The following CUL9 variants were observed in gnomAD, a reference collection of about 807,000 sequenced individuals.
The protein encoded by CUL9 is cullin-9.
Under a neutral mutation model 272.6 loss-of-function variants are expected in CUL9, and 79 were observed. The ratio of observed to expected loss-of-function variants is 0.29; its 90% CI spans 0.24 to 0.35. The LOEUF is 0.35. Among genes scored for constraint, CUL9 ranks in the 10% least tolerant of loss-of-function variants. The probability of loss-of-function intolerance (pLI) is 1.00; values close to 1 mark genes in which losing one functional copy is unlikely to be tolerated. For missense variants in CUL9, 2,532 were observed against 3,255.6 expected, an observed-to-expected ratio of 0.78 and a Z score of 5.41; for synonymous variants, 1,186 against 1,286.5, an observed-to-expected ratio of 0.92 and a Z score of 1.67.
At chr6:43,204,040 G>C (rs763347684) in intron 20 of CUL9, 53 bp downstream of exon 20, 2 of 1,534,888 alleles carry the variant, frequency 1.3e-6, no homozygotes, top group Non-Finnish European at 1.8e-6. Flanking sequence ...CTTATTCCCA[G>C]GGATCACCTG....
intron 9 of CUL9, 74 bp downstream of exon 9, chr6:43,193,282 G>C: frequency 7.4e-7 from 1 of 1,359,208 alleles, no homozygotes; most frequent in South Asian, 1.2e-5. Context: ...TCTTGAGGGG[G>C]TACTTTGGTG....
chr6:43,194,911 C>T (rs930146484), intron 9 of CUL9, among the ~76,000 whole-genome samples: 9 of 151,988 alleles, frequency 5.9e-5, no homozygotes, highest in South Asian at 4.1e-4. Context: ...CAAAATTAGC[C>T]GGGCGTGGTG....
chr6:43,211,173 C>T (rs1224105763), intron 26 of CUL9, among the ~76,000 whole-genome samples: 3 of 152,096 alleles, frequency 2.0e-5, no homozygotes, highest in Admixed American at 6.6e-5. Flanking sequence ...ATTATTTATT[C>T]AGGGATATTT....
Position 43,203,920 on chromosome 6 carries a change from C to G in CUL9, c.4092C>G (p.Ala1364=). Residue 1364 remains alanine (A), a synonymous_variant, in exon 20 of 41, where the codon GCC becomes GCG. Coordinates refer to ENST00000252050, the MANE Select transcript of CUL9 (RefSeq NM_015089.4). The surrounding 1 kb of genome is among the most constrained non-coding windows in gnomAD (Gnocchi z 5.0). ...ADRFLPDDEA[A]QALGKTCWEA... ...GCTTCCTCCCTGATGATGAGGCCGCCCAGGCACTGGGCAAGACCTGCTGGG... is the reference window on the plus strand; with the variant it reads ...GCTTCCTCCCTGATGATGAGGCCGCGCAGGCACTGGGCAAGACCTGCTGGG... The G allele has an allele frequency of 6.2e-7, 1 of 1,613,660 alleles. No individual in the cohort carries two copies. The highest frequency in any genetic ancestry group is 8.5e-7 in the Non-Finnish European group (1 of 1,179,698).
chr6:43,203,491 G>A lies in CUL9; in HGVS notation c.3924G>A (p.Glu1308=). ...PKPTFWPLFR[E]QLCRRTCLFY... ...CCACATTCTGGCCACTGTTCCGGGA[G>A]CAGCTGTGTCGCCGAACATGTCTCT... Residue 1308 remains glutamate, a synonymous_variant, in exon 19 of 41, where the codon GAG becomes GAA. Transcript: ENST00000252050. This position sits in a 1 kb window ranked among gnomAD's most constrained non-coding sequence, Gnocchi z 5.0. 1.9e-6 allele frequency: 3 copies of A among 1,614,214 alleles called. No individual in the cohort carries two copies. Among genetic ancestry groups the A allele is most frequent in the African/African-American group, 1.3e-5 (1 of 75,046 alleles).
intron 8 of CUL9, among the ~76,000 whole-genome samples, chr6:43,189,809 C>T (rs187655300): frequency 1.6e-4 from 24 of 152,346 alleles, no homozygotes; most frequent in African/African-American, 5.3e-4. Context: ...GCTGGGATTA[C>T]AGGTGTGAGC....
Position 43,205,105 on chromosome 6 carries a change from C to T in CUL9, c.4622C>T (p.Thr1541Ile), listed in dbSNP as rs201044288. ...GCCTTGCTGCAGCAGTCCTTCCTCA[C>T]TGCTGCTCACGTGAGTCCCACCAGC... ...SGALLQQSFLTAAHMSEQFAR... is the reference protein window; with the variant it reads ...SGALLQQSFLIAAHMSEQFAR... The change falls in exon 23 of 41, where the codon ACT becomes ATT. Residue 1541 changes from threonine (T) to isoleucine (I), a missense_variant. Coordinates refer to ENST00000252050, the MANE Select transcript of CUL9 (RefSeq NM_015089.4). 5.5e-5 allele frequency: 87 copies of T among 1,588,844 alleles called. No homozygotes were observed. The highest frequency in any genetic ancestry group is 3.4e-4 in the Middle Eastern group (2 of 5,898).
At chr6:43,186,716 A>G (rs938932604) in intron 4 of CUL9, among the ~76,000 whole-genome samples, 3 of 152,148 alleles carry the variant, frequency 2.0e-5, no homozygotes, top group Admixed American at 6.5e-5. Context: ...CACCAACACC[A>G]GTGGAAGAGG....
In CUL9 at chr6:43,204,785, G is replaced by C; in HGVS notation, c.4377G>C (p.Ala1459=). ...GCAAGGGTCGGGACCGGAGCCCGGCGCCTTCGCCAGTGCTTCCAAGCAGCA... is the reference window on the plus strand; with the variant it reads ...GCAAGGGTCGGGACCGGAGCCCGGCCCCTTCGCCAGTGCTTCCAAGCAGCA... ...KNSKGRDRSP[A]PSPVLPSSSL... is the part of the protein sequence containing the mutation. The change falls in exon 22 of 41, where the codon GCG becomes GCC. Residue 1459 remains alanine, a synonymous_variant. Transcript: ENST00000252050. The C allele has an allele frequency of 6.2e-7, 1 of 1,614,196 alleles. No individual in the cohort carries two copies.
chr6:43,191,673 C>T (rs1478190105), intron 8 of CUL9, among the ~76,000 whole-genome samples: 3 of 151,748 alleles, frequency 2.0e-5, no homozygotes, highest in Non-Finnish European at 4.4e-5. Context: ...CAACCTCCGC[C>T]TCCTGGGTTC....
In CUL9 at chr6:43,220,240, C is replaced by T. The variant is rs1360764737; in HGVS notation, c.6283-219C>T. On this transcript the variant is annotated intron_variant, in intron 31 of 40. Transcript: ENST00000252050. The surrounding 1 kb of genome is among the most constrained non-coding windows in gnomAD (Gnocchi z 4.9). ...CAGTAATTATGATTAGGCAAATACA[C>T]AGCCCACCCCATCCTCAAAGACAAC... is the stretch of plus-strand genomic sequence containing the variant. Among the ~76,000 whole-genome samples the T allele has an allele frequency of 6.6e-6, 1 of 152,194 alleles. No homozygotes were observed. The highest frequency in any genetic ancestry group is 6.5e-5 in the Admixed American group (1 of 15,284).
chr6:43,198,222 C>G (rs1314183777), intron 11 of CUL9: 1 of 983,770 alleles, frequency 1.0e-6, no homozygotes, highest in Non-Finnish European at 1.2e-6. Flanking sequence ...GCCTGGGTGA[C>G]AGCGCTCTGT....
In CUL9 at chr6:43,203,015, C is replaced by A; in HGVS notation, c.3754-94C>A. The A allele has an allele frequency of 7.2e-7, 1 of 1,397,052 alleles. No individual in the cohort carries two copies. 86.5% of individuals were successfully genotyped at this position (1,397,052 alleles called of 1,614,324 possible). On this transcript the variant is annotated intron_variant, in intron 17 of 40. Transcript: ENST00000252050. This position sits in a 1 kb window ranked among gnomAD's most constrained non-coding sequence, Gnocchi z 5.0. ...TAGGCTCTGCGGGAGAAGTGAAGGG[C>A]ACACACCATGACCGACTTGGTTACT...
At chr6:43,192,113 G>A (rs940693983) in intron 8 of CUL9, among the ~76,000 whole-genome samples, 1 of 146,432 alleles carries the variant, frequency 6.8e-6, no homozygotes, top group African/African-American at 2.6e-5. Context: ...CCAGGCTGGA[G>A]TGCAGTGGCA....
intron 2 of CUL9, among the ~76,000 whole-genome samples, 200 bp downstream of exon 2, chr6:43,185,105 A>C (rs1772787002): frequency 6.6e-6 from 1 of 152,202 alleles, no homozygotes; most frequent in African/African-American, 2.4e-5. Flanking sequence ...TTATCTGTTC[A>C]TTCTCAGTGC....
Position 43,184,246 on chromosome 6 carries a change from C to G in CUL9, c.-9-56C>G. On this transcript the variant is annotated intron_variant, in intron 1 of 40. Coordinates refer to ENST00000252050, the MANE Select transcript of CUL9 (RefSeq NM_015089.4). The surrounding 1 kb of genome is among the most constrained non-coding windows in gnomAD (Gnocchi z 4.8). ...TCTGTGTCTCAAGATTCCACCCCCT[C>G]CATGTATTTTTTTTCTTTTCTCATA... The G allele has an allele frequency of 7.8e-7, 1 of 1,280,768 alleles. No individual in the cohort carries two copies. The highest frequency in any genetic ancestry group is 1.0e-6 in the Non-Finnish European group (1 of 965,306). The allele number at this position is 1,280,768 out of a possible 1,614,324, so 79.3% of individuals were successfully genotyped here. A position where few individuals can be genotyped will look rare whatever the true frequency, so the allele number is the denominator to read the frequency against.
intron 31 of CUL9, among the ~76,000 whole-genome samples, chr6:43,217,180 A>AC (rs1776007473): frequency 6.6e-6 from 1 of 152,070 alleles, no homozygotes; most frequent in African/African-American, 2.4e-5. Flanking sequence ...ACATGGCAAG[A>AC]CCCCGTCTCT....
At position 43,205,377 on chromosome 6, in the gene CUL9, G is replaced by A; in HGVS notation, c.4747G>A (p.Val1583Ile). 6.2e-7 allele frequency: 1 copy of A among 1,614,156 alleles called. No individual in the cohort carries two copies. Among genetic ancestry groups the A allele is most frequent in the Non-Finnish European group, 8.5e-7 (1 of 1,180,036 alleles). Reference protein sequence around the residue: ...QLQRHLEPIMVLSGLELATTF... With the variant: ...QLQRHLEPIMILSGLELATTF... ...TCAGCGGCACCTGGAACCCATTATG[G>A]TCCTTTCTGGTCTGGAACTGGCCAC... The change falls in exon 24 of 41, where the codon GTC (valine) becomes ATC (isoleucine). Residue 1583 changes from valine to isoleucine, a missense_variant. By Grantham distance (29) the Val-to-Ile change is conservative. This residue lies in a region of CUL9 where 2,218 missense variants were observed against 2,788.6 expected (regional missense o/e 0.80). Coordinates refer to ENST00000252050, the MANE Select transcript of CUL9 (RefSeq NM_015089.4).
rs762382257 is a variant in CUL9 at position 43,213,896 on chromosome 6, A to G, written c.5672A>G (p.Asp1891Gly). 2.5e-6 allele frequency: 4 copies of G among 1,614,012 alleles called. No individual in the cohort carries two copies. The highest frequency in any genetic ancestry group is 1.7e-5 in the Admixed American group (1 of 60,018). ...KAHGEKGLHIDQLVCLVLEAW... is the reference protein window; with the variant it reads ...KAHGEKGLHIGQLVCLVLEAW... Reference sequence around the variant, plus strand: ...CATGGGGAAAAGGGCCTCCACATTGATCAGCTGGTTTGTCTGGTAGGCAGA... The same window carrying G: ...CATGGGGAAAAGGGCCTCCACATTGGTCAGCTGGTTTGTCTGGTAGGCAGA... Residue 1891 changes from aspartate (D) to glycine (G), a missense_variant, in exon 29 of 41, where the codon GAT becomes GGT. Coordinates refer to ENST00000252050, the MANE Select transcript of CUL9 (RefSeq NM_015089.4). This position sits in a 1 kb window ranked among gnomAD's most constrained non-coding sequence, Gnocchi z 5.7.
Sources: gnomAD v4.1 joint callset for allele counts (sites outside exome capture counted in the v4.1 genomes callset) on GRCh38, gnomAD v4.1.1 for gene constraint, gnomAD v4.1.1 regional missense constraint, Gnocchi (gnomAD v3.1) non-coding constraint, MANE v1.5 for transcripts, NCBI Gene and HGNC (gene_info 2026-07-23, HGNC 2026-07-21) for gene names.